NHSL1: variants seen among roughly 807,000 people sequenced by gnomAD.
NHSL1 encodes the protein NHS like 1.
In NHSL1, 48 loss-of-function variants were observed where a neutral mutation model predicts 95.0. The ratio of observed to expected loss-of-function variants is 0.51; its 90% CI spans 0.40 to 0.64. The LOEUF is 0.64. NHSL1 is among the 30% of genes least tolerant of loss of function. The probability of loss-of-function intolerance (pLI) is 0.00; values close to 1 mark genes in which losing one functional copy is unlikely to be tolerated. For missense variants in NHSL1, 1,971 were observed against 2,077.7 expected (o/e 0.95, Z 1.00); for synonymous variants, 783 against 833.9 (o/e 0.94, Z 1.05).
At chr6:138,426,105 A>G (rs565787714) in intron 7 of NHSL1, among the ~76,000 whole-genome samples, 2 of 152,248 alleles carry the variant, frequency 1.3e-5, no homozygotes, top group African/African-American at 4.8e-5. Flanking sequence ...CATGACAACA[A>G]CTCAGTCTGT....
chr6:138,616,517 G>A (rs926255275), intron 1 of NHSL1, among the ~76,000 whole-genome samples: 4 of 151,902 alleles, frequency 2.6e-5, no homozygotes, highest in East Asian at 1.9e-4. Context: ...GGGAACAAGG[G>A]GGCAGGCAGA....
rs563423560 is a variant in NHSL1 at position 138,431,202 on chromosome 6, C to T, written c.3143G>A (p.Arg1048Gln). The T allele has an allele frequency of 3.5e-4, 541 of 1,539,478 alleles. 3 individuals are homozygous for T. The South Asian group carries it at 5.9e-3, about 17-fold the overall frequency. ...GGTAGAAGGCGGCCTCAAGGATCCCCGGGAGGATTCTGGCTGGCCAGAATT... is the reference window on the plus strand; with the variant it reads ...GGTAGAAGGCGGCCTCAAGGATCCCTGGGAGGATTCTGGCTGGCCAGAATT... ...FTNSGQPESS[R>Q]GSLRPPSTKE... The change falls in exon 6 of 8, where the codon CGG becomes CAG. Residue 1048 changes from arginine (R) to glutamine (Q), a missense_variant. Physicochemically the swap from Arg to Gln is conservative, Grantham distance 43 (BLOSUM62 1). Coordinates refer to ENST00000343505, the MANE Select transcript of NHSL1 (RefSeq NM_001144060.2). The surrounding 1 kb of genome is among the most constrained non-coding windows in gnomAD (Gnocchi z 4.0).
At chr6:138,580,944 A>G (rs543687352) in intron 1 of NHSL1, among the ~76,000 whole-genome samples, 2 of 152,352 alleles carry the variant, frequency 1.3e-5, no homozygotes, top group African/African-American at 4.8e-5. Flanking sequence ...GGGAGGTTTC[A>G]GCTGGAAGAG....
At chr6:138,584,477 A>T (rs961831871) in intron 1 of NHSL1, among the ~76,000 whole-genome samples, 1 of 152,228 alleles carries the variant, frequency 6.6e-6, no homozygotes, top group African/African-American at 2.4e-5. Context: ...ATCCATAAGT[A>T]GAAGGGCTAT....
At chr6:138,565,332 CCT>C (rs1412381733) in intron 1 of NHSL1, among the ~76,000 whole-genome samples, 1 of 152,066 alleles carries the variant, frequency 6.6e-6, no homozygotes, top group Non-Finnish European at 1.5e-5. Flanking sequence ...GTCATGAACC[CCT>C]GAGTTCAAAT....
chr6:138,686,410 AC>A (rs1224875473), intron 1 of NHSL1, among the ~76,000 whole-genome samples: 1 of 152,098 alleles, frequency 6.6e-6, no homozygotes, highest in African/African-American at 2.4e-5. Flanking sequence ...AGTCCAGGCT[AC>A]TAGCGAGGCT....
rs546618623 is a variant in NHSL1 at position 138,432,882 on chromosome 6, G to A, written c.1463C>T (p.Pro488Leu). 5.8e-6 allele frequency: 9 copies of A among 1,551,606 alleles called. No homozygotes were observed. The South Asian group carries it at 1.1e-4, about 18-fold the overall frequency. ...ILSQDLDPHS[P>L]GEPALLSLCD... ...GAGGGACAACAGTGCGGGTTCACCAGGGGAATGAGGGTCTAAGTCCTGTGA... is the reference window on the plus strand; with the variant it reads ...GAGGGACAACAGTGCGGGTTCACCAAGGGAATGAGGGTCTAAGTCCTGTGA... The change falls in exon 6 of 8, where the codon CCT becomes CTT. Residue 488 changes from proline (P) to leucine (L), a missense_variant. Pro to Leu is a moderately conservative substitution (Grantham distance 98). Coordinates refer to ENST00000343505, the MANE Select transcript of NHSL1 (RefSeq NM_001144060.2). This position sits in a 1 kb window ranked among gnomAD's most constrained non-coding sequence, Gnocchi z 4.4.
chr6:138,578,290 G>A (rs1201802715), intron 1 of NHSL1, among the ~76,000 whole-genome samples: 1 of 152,200 alleles, frequency 6.6e-6, no homozygotes, highest in Admixed American at 6.5e-5. Context: ...CTGTCCCCAT[G>A]GGATCACTTG....
chr6:138,591,201 A>G (rs1467493340), intron 1 of NHSL1, among the ~76,000 whole-genome samples: 1 of 152,220 alleles, frequency 6.6e-6, no homozygotes, highest in Non-Finnish European at 1.5e-5. Flanking sequence ...CCAGTTATCA[A>G]GGGGGGAAAC....
At chr6:138,625,600 C>T (rs1332408614) in intron 1 of NHSL1, among the ~76,000 whole-genome samples, 4 of 146,862 alleles carry the variant, frequency 2.7e-5, no homozygotes, top group South Asian at 2.2e-4. Flanking sequence ...GCCATGAGTA[C>T]AGTATGAGCT....
chr6:138,620,574 T>TA (rs1784642280), intron 1 of NHSL1, among the ~76,000 whole-genome samples: 1 of 152,162 alleles, frequency 6.6e-6, no homozygotes. Context: ...TGAGAAGAAT[T>TA]AAACAATTTT....
At position 138,424,340 on chromosome 6, in the gene NHSL1, G is replaced by A; in HGVS notation, c.4562C>T (p.Pro1521Leu). The A allele has an allele frequency of 6.5e-7, 1 of 1,543,774 alleles. No homozygotes were observed. The highest frequency in any genetic ancestry group is 8.8e-7 in the Non-Finnish European group (1 of 1,142,400). The change falls in exon 8 of 8, where the codon CCC becomes CTC. Residue 1521 changes from proline to leucine, a missense_variant. Coordinates refer to ENST00000343505, the MANE Select transcript of NHSL1 (RefSeq NM_001144060.2). This position sits in a 1 kb window ranked among gnomAD's most constrained non-coding sequence, Gnocchi z 5.9. ...TTCTCCCTCCGAGATGACGGTCATG[G>A]GGCTGCTCTGGATCCGGTTCCGCAT... ...YSMRNRIQSS[P>L]MTVISEGEGE...
At chr6:138,505,191 G>T (rs1780895392) in intron 1 of NHSL1, among the ~76,000 whole-genome samples, 1 of 152,108 alleles carries the variant, frequency 6.6e-6, no homozygotes, top group Non-Finnish European at 1.5e-5. Flanking sequence ...TTAAGGTACT[G>T]AAAGTCTTTA....
At chr6:138,545,716 C>T, upstream of NHSL1, 1 of 1,278,578 alleles carries the variant, frequency 7.8e-7, no homozygotes, top group South Asian at 1.3e-5. Flanking sequence ...GTCTCCCAGC[C>T]CACCTCCTCA....
intron 1 of NHSL1, among the ~76,000 whole-genome samples, chr6:138,591,776 A>C (rs903508425): frequency 6.6e-6 from 1 of 152,114 alleles, no homozygotes; most frequent in African/African-American, 2.4e-5. Flanking sequence ...TCGCGTGATG[A>C]AATCTCCCAC....
intron 1 of NHSL1, among the ~76,000 whole-genome samples, chr6:138,640,524 A>C (rs1471060126): frequency 2.6e-5 from 4 of 152,206 alleles, no homozygotes; most frequent in African/African-American, 9.6e-5. Context: ...ATAAAGATGA[A>C]AAGCTTTATG....
At chr6:138,602,817 G>A (rs1325025957) in intron 1 of NHSL1, among the ~76,000 whole-genome samples, 2 of 151,526 alleles carry the variant, frequency 1.3e-5, no homozygotes, top group African/African-American at 4.9e-5. Flanking sequence ...TTCATCATTG[G>A]TAGGTGTAAG....
chr6:138,549,688 G>T (rs984430078), upstream of NHSL1, among the ~76,000 whole-genome samples: 4 of 152,192 alleles, frequency 2.6e-5, no homozygotes, highest in African/African-American at 7.2e-5. Context: ...TAATAATTAC[G>T]TGAGATGGGC....
At chr6:138,631,021 G>T (rs1264450339) in intron 1 of NHSL1, among the ~76,000 whole-genome samples, 3 of 152,258 alleles carry the variant, frequency 2.0e-5, no homozygotes, top group Non-Finnish European at 4.4e-5. Context: ...ATCCCCCAGT[G>T]GCAGCGTGGT....
Sources: allele counts gnomAD v4.1 joint callset (sites outside exome capture counted in the v4.1 genomes callset), GRCh38; gene constraint gnomAD v4.1.1; non-coding constraint Gnocchi (gnomAD v3.1); transcripts MANE v1.5; gene names NCBI Gene and HGNC (gene_info 2026-07-23, HGNC 2026-07-21).